Variants in MCF2L observed in about 807,000 individuals in gnomAD.
MCF2L encodes guanine nucleotide exchange factor DBS.
A neutral mutation model predicts 153.4 loss-of-function variants in MCF2L; 97 were observed. The observed-to-expected ratio is 0.63, with a 90% confidence interval of 0.54 to 0.75. MCF2L has a LOEUF of 0.75. Among genes scored for constraint, MCF2L ranks in the 30% least tolerant of loss-of-function variants. The pLI is 0.00. For missense variants in MCF2L, 1,347 were observed against 1,495.2 expected (o/e 0.90, Z 1.64); for synonymous variants, 659 against 632.2 (o/e 1.04, Z -0.64).
intron 2 of MCF2L, among the ~76,000 whole-genome samples, chr13:112,927,812 G>A (rs2081423125): frequency 6.6e-6 from 1 of 152,186 alleles, no homozygotes; most frequent in Non-Finnish European, 1.5e-5. Flanking sequence ...CTCATGTGAA[G>A]CTCTACATGA....
At chr13:112,987,137 T>C (rs2082679292) in intron 1 of MCF2L, among the ~76,000 whole-genome samples, 2 of 151,976 alleles carry the variant, frequency 1.3e-5, no homozygotes, top group Non-Finnish European at 2.9e-5. Flanking sequence ...CCTGAAGCCA[T>C]TCCTTCACCC....
chr13:113,039,128 G>A (rs1037977164), intron 3 of MCF2L, among the ~76,000 whole-genome samples: 4 of 152,186 alleles, frequency 2.6e-5, no homozygotes, highest in African/African-American at 9.7e-5. Flanking sequence ...CAAAGTGCTA[G>A]GATTATAGGC....
Position 113,097,098 on chromosome 13 carries a change from G to C in MCF2L, c.*239G>C, listed in dbSNP as rs886693480. The C allele has an allele frequency of 2.3e-5, 8 of 347,274 alleles. No individual in the cohort carries two copies. The highest frequency in any genetic ancestry group is 1.7e-4 in the African/African-American group (8 of 46,540). 21.5% of individuals were successfully genotyped at this position (347,274 alleles called of 1,614,324 possible). A position where few individuals can be genotyped will look rare whatever the true frequency, so the allele number is the denominator to read the frequency against. ...GGAGGGGCCGCAGGGAACAGCCCCG[G>C]GCGGCAGGCGCCGGGCAGCGGCATC... On this transcript the variant is annotated 3_prime_UTR_variant, in exon 30 of 30. Transcript: ENST00000535094.
At chr13:113,043,730 GCT>G (rs2086641928) in intron 3 of MCF2L, 1 of 152,182 alleles carries the variant, frequency 6.6e-6, no homozygotes, top group Non-Finnish European at 1.5e-5. Context: ...AGACAGTCTC[GCT>G]CTGTTGCCCA....
chr13:113,063,598 A>G (rs1001515651), intron 5 of MCF2L, among the ~76,000 whole-genome samples: 3 of 152,194 alleles, frequency 2.0e-5, no homozygotes, highest in African/African-American at 7.2e-5. Flanking sequence ...AGACGGGACC[A>G]CAAAATGGGT....
chr13:112,915,410 C>A (rs867947736), intron 2 of MCF2L, among the ~76,000 whole-genome samples: 268 of 86,840 alleles, frequency 3.1e-3, no homozygotes, highest in Non-Finnish European at 3.2e-3. Context: ...CTCTGTCTCA[C>A]AAAAAAAAAA....
In MCF2L at chr13:112,983,494, C is replaced by T. The variant is rs1277743758; in HGVS notation, c.79+14036C>T. ...GGGCTTAAGTCAAGCTCTGTAAATG[C>T]GGCACCCGACGTCTGAGGCCCGCCA... On this transcript the variant is annotated intron_variant, in intron 1 of 29. Coordinates refer to ENST00000535094, the MANE Select transcript of MCF2L (RefSeq NM_001112732.3). This position sits in a 1 kb window ranked among gnomAD's most constrained non-coding sequence, Gnocchi z 4.0. Among the ~76,000 whole-genome samples, 15 of 152,302 alleles carry T rather than the reference C, an allele frequency of 9.8e-5. No individual in the cohort carries two copies. The highest frequency in any genetic ancestry group is 2.1e-4 in the South Asian group (1 of 4,830).
chr13:112,969,294 C>G lies in MCF2L; in HGVS notation c.-86C>G, dbSNP rs1426547413. The G allele has an allele frequency of 6.6e-7, 1 of 1,521,020 alleles. No individual in the cohort carries two copies. The allele number at this position is 1,521,020 out of a possible 1,614,324, so 94.2% of individuals were successfully genotyped here. ...GCCCCCTCCCCGCCTCCGCCGCGCC[C>G]CCTCCGCACTCGCACGGCCCCACCC... On this transcript the variant is annotated 5_prime_UTR_variant, in exon 1 of 30. Transcript: ENST00000535094. The surrounding 1 kb of genome is among the most constrained non-coding windows in gnomAD (Gnocchi z 4.8).
intron 3 of MCF2L, among the ~76,000 whole-genome samples, chr13:113,034,584 GCCCTGGTCTCACCCTCGCCCTCA>G: frequency 6.7e-6 from 1 of 148,262 alleles, no homozygotes; most frequent in Non-Finnish European, 1.5e-5. Flanking sequence ...CTTCTCCCTC[GCCCTGGTCTCACCCTCGCCCTCA>G]CCCTGGTCTC....
intron 18 of MCF2L, 80 bp from the exon 19 acceptor site, chr13:113,084,812 G>C (rs72663544): frequency 3.8e-6 from 4 of 1,059,438 alleles, no homozygotes; most frequent in South Asian, 2.6e-5. Context: ...CCCTCACCGC[G>C]TAATGCGGTG....
At chr13:113,016,748 G>A (rs1201067952) in intron 2 of MCF2L, among the ~76,000 whole-genome samples, 2 of 152,150 alleles carry the variant, frequency 1.3e-5, no homozygotes, top group African/African-American at 2.4e-5. Flanking sequence ...TTTCTTCCGC[G>A]GGGCTTGTGG....
intron 1 of MCF2L, among the ~76,000 whole-genome samples, chr13:112,895,328 C>G (rs1191276014): frequency 6.6e-6 from 1 of 152,156 alleles, no homozygotes; most frequent in Non-Finnish European, 1.5e-5. Context: ...GCCGCCCAGG[C>G]AGGATGTGCC....
At chr13:113,002,518 C>T (rs1300538688) in intron 1 of MCF2L, among the ~76,000 whole-genome samples, 1 of 152,194 alleles carries the variant, frequency 6.6e-6, no homozygotes, top group Non-Finnish European at 1.5e-5. Context: ...TTGGGAGGCC[C>T]CTGGCCAAGC....
At chr13:112,982,518 G>A (rs982453548) in intron 1 of MCF2L, among the ~76,000 whole-genome samples, 4 of 152,178 alleles carry the variant, frequency 2.6e-5, no homozygotes, top group African/African-American at 4.8e-5. Context: ...TGGGAGGTGC[G>A]GCAGATGGGG....
exon 2 of MCF2L, chr13:112,902,255 A>C: frequency 6.2e-7 from 1 of 1,612,860 alleles, no homozygotes; most frequent in Non-Finnish European, 8.5e-7. Flanking sequence ...AGCAACAGTT[A>C]TTCTTCCCCA....
chr13:113,044,609 T>G (rs1365060122), intron 3 of MCF2L: 1 of 1,566,318 alleles, frequency 6.4e-7, no homozygotes, highest in Admixed American at 1.9e-5. Context: ...GGCTGCAGAG[T>G]GAGCCCACGG....
At position 113,096,441 on chromosome 13, in the gene MCF2L, G is replaced by A. The variant is rs750562138; in HGVS notation, c.3146G>A (p.Gly1049Glu). The stretch of plus-strand genomic sequence containing the variant: ...CCCGATGCGCTGCGCGTGAGGAGCG[G>A]GGACGTGGTGGAGCTGGTGCAGGAG... ...GGPDALRVRS[G>E]DVVELVQEGD... Residue 1049 changes from glycine (G) to glutamate (E), a missense_variant, in exon 28 of 30, where the codon GGG becomes GAG. By Grantham distance (98) the Gly-to-Glu change is moderately conservative. Around this residue, in one of 3 missense-constraint regions of MCF2L, gnomAD observed 383 missense variants for 335.4 expected, o/e 1.14. Coordinates refer to ENST00000535094, the MANE Select transcript of MCF2L (RefSeq NM_001112732.3). 1 of 1,594,520 alleles carries A rather than the reference G, an allele frequency of 6.3e-7. No homozygotes were observed. Among genetic ancestry groups the A allele is most frequent in the Non-Finnish European group, 8.5e-7 (1 of 1,171,822 alleles).
At chr13:113,065,428 G>T in intron 7 of MCF2L, 1 of 326,810 alleles carries the variant, frequency 3.1e-6, no homozygotes, top group Non-Finnish European at 5.7e-6. Flanking sequence ...CTGTCTGTGC[G>T]GGGAGCTCCC....
Position 112,986,775 on chromosome 13 carries a change from C to T in MCF2L, c.79+17317C>T, listed in dbSNP as rs536215293. Among the ~76,000 whole-genome samples, 423 of 152,360 alleles carry T rather than the reference C, an allele frequency of 2.8e-3. 1 individual carries two copies. Among genetic ancestry groups the T allele is most frequent in the South Asian group, 9.1e-3 (44 of 4,830 alleles). On this transcript the variant is annotated intron_variant, in intron 1 of 29. Coordinates refer to ENST00000535094, the MANE Select transcript of MCF2L (RefSeq NM_001112732.3). ...CGGGGCCTCAGTCCTGCAGCCGGGT[C>T]TGCACTGCGCCCTCACTCCCCTGCC...
Sources: gnomAD v4.1 joint callset for allele counts (sites outside exome capture counted in the v4.1 genomes callset) on GRCh38, gnomAD v4.1.1 for gene constraint, gnomAD v4.1.1 regional missense constraint, Gnocchi (gnomAD v3.1) non-coding constraint, MANE v1.5 for transcripts, NCBI Gene and HGNC (gene_info 2026-07-23, HGNC 2026-07-21) for gene names.